Variants in GLCE observed in about 807,000 individuals in gnomAD.
GLCE encodes glucuronic acid epimerase.
In GLCE, 19 loss-of-function variants were observed where a neutral mutation model predicts 47.9. The observed-to-expected ratio is 0.40, with a 90% CI of 0.28 to 0.58. The LOEUF is 0.58. GLCE is among the 20% of genes least tolerant of loss of function. GLCE has a pLI of 0.48. For missense variants in GLCE, 556 were observed against 743.3 expected, an observed-to-expected ratio of 0.75 and a Z score of 2.93; for synonymous variants, 245 against 263.4, an observed-to-expected ratio of 0.93 and a Z score of 0.68.
intron 2 of GLCE, among the ~76,000 whole-genome samples, chr15:69,249,944 G>A (rs1421037974): frequency 6.6e-6 from 1 of 152,042 alleles, no homozygotes; most frequent in Admixed American, 6.5e-5. Context: ...TTTTTCCACA[G>A]TTTCTTTATG....
At chr15:69,211,998 G>T (rs531702600) in intron 2 of GLCE, among the ~76,000 whole-genome samples, 1 of 151,998 alleles carries the variant, frequency 6.6e-6, no homozygotes, top group East Asian at 1.9e-4. Flanking sequence ...GCATCTTTTT[G>T]TGCCATCACA....
intron 1 of GLCE, among the ~76,000 whole-genome samples, chr15:69,164,375 T>C (rs2051471270): frequency 6.6e-6 from 1 of 151,832 alleles, no homozygotes; most frequent in African/African-American, 2.4e-5. Context: ...ACTGTGCTAC[T>C]CATGGTGTGT....
chr15:69,260,747 T>G (rs1031160732), intron 3 of GLCE: 4 of 227,886 alleles, frequency 1.8e-5, no homozygotes, highest in African/African-American at 9.0e-5. Flanking sequence ...ATCTAAATTG[T>G]GCAGAATTTG....
chr15:69,197,237 C>T (rs2052007824), intron 1 of GLCE: 7 of 417,454 alleles, frequency 1.7e-5, no homozygotes, highest in South Asian at 9.0e-5. Context: ...CCGTATTCAC[C>T]TGACTTCTTG....
At chr15:69,228,834 A>T (rs1029904961) in intron 2 of GLCE, among the ~76,000 whole-genome samples, 6 of 152,102 alleles carry the variant, frequency 3.9e-5, no homozygotes, top group African/African-American at 1.4e-4. Context: ...CTACAGATGC[A>T]TGCCACCACA....
chr15:69,261,465 G>A (rs779354611), intron 4 of GLCE, 136 bp downstream of exon 4: 41 of 800,604 alleles, frequency 5.1e-5, no homozygotes, highest in Non-Finnish European at 7.7e-5. Context: ...AACAAATGGT[G>A]TCACCCCAAT....
chr15:69,238,598 A>G (rs894941783), intron 2 of GLCE, among the ~76,000 whole-genome samples: 1 of 152,178 alleles, frequency 6.6e-6, no homozygotes. Flanking sequence ...TAGCCTAAAT[A>G]TGTTTTATTA....
At chr15:69,266,557 C>T (rs1034132912) in intron 4 of GLCE, among the ~76,000 whole-genome samples, 4 of 152,184 alleles carry the variant, frequency 2.6e-5, no homozygotes, top group African/African-American at 9.7e-5. Flanking sequence ...CTCCTCGCTT[C>T]AAGCAGTCCT....
intron 2 of GLCE, among the ~76,000 whole-genome samples, chr15:69,238,836 C>T (rs2140415521): frequency 6.6e-6 from 1 of 152,224 alleles, no homozygotes; most frequent in South Asian, 2.1e-4. Flanking sequence ...CCTGAATAGG[C>T]ATTGATAGAG....
chr15:69,217,070 C>A (rs1485966761), intron 2 of GLCE, among the ~76,000 whole-genome samples: 1 of 151,998 alleles, frequency 6.6e-6, no homozygotes, highest in Non-Finnish European at 1.5e-5. Context: ...TTTCTAATGG[C>A]TAAACCCAGT....
chr15:69,240,101 C>T (rs2052645617), intron 2 of GLCE, among the ~76,000 whole-genome samples: 1 of 151,914 alleles, frequency 6.6e-6, no homozygotes, highest in Non-Finnish European at 1.5e-5. Context: ...ATGGATTAGG[C>T]TGAAAATAGG....
chr15:69,196,714 A>ACGGT (rs2051999428), intron 1 of GLCE: 2 of 160,896 alleles, frequency 1.2e-5, no homozygotes, highest in African/African-American at 4.8e-5. Flanking sequence ...CAACCATCCT[A>ACGGT]CGGTCATTCA....
chr15:69,252,992 T>A (rs1295893874), intron 2 of GLCE, among the ~76,000 whole-genome samples: 1 of 152,182 alleles, frequency 6.6e-6, no homozygotes, highest in African/African-American at 2.4e-5. Context: ...TCCCTTCTGA[T>A]GCCCCAGCAA....
chr15:69,228,372 G>A (rs2052477465), intron 2 of GLCE, among the ~76,000 whole-genome samples: 1 of 152,150 alleles, frequency 6.6e-6, no homozygotes, highest in South Asian at 2.1e-4. Flanking sequence ...AGTGTTTTAA[G>A]GTCTTAGAGT....
intron 1 of GLCE, among the ~76,000 whole-genome samples, chr15:69,189,487 A>G (rs922472456): frequency 2.0e-5 from 3 of 152,212 alleles, no homozygotes; most frequent in African/African-American, 7.2e-5. Context: ...GCAATTATGA[A>G]TAAAACTGCT....
chr15:69,266,696 A>G (rs2053091666), intron 4 of GLCE: 1 of 858,778 alleles, frequency 1.2e-6, no homozygotes, highest in Non-Finnish European at 1.4e-6. Context: ...ATCTGCTTCT[A>G]TGGCTGCATC....
chr15:69,185,459 C>G (rs1308800852), intron 1 of GLCE, among the ~76,000 whole-genome samples: 2 of 152,052 alleles, frequency 1.3e-5, no homozygotes, highest in Non-Finnish European at 2.9e-5. Flanking sequence ...AGAAAGTGGA[C>G]TGGGTTGTGA....
chr15:69,197,371 A>G (rs1292865530), intron 1 of GLCE: 3 of 216,920 alleles, frequency 1.4e-5, no homozygotes, highest in Non-Finnish European at 2.9e-5. Context: ...TTTTTACACT[A>G]CAGGAATAAA....
chr15:69,182,256 A>G (rs2051759055), intron 1 of GLCE, among the ~76,000 whole-genome samples: 1 of 151,250 alleles, frequency 6.6e-6, no homozygotes. Flanking sequence ...CCAATTTATC[A>G]GACATCGTGT....
Sources: gnomAD v4.1 joint callset for allele counts (sites outside exome capture counted in the v4.1 genomes callset) on GRCh38, gnomAD v4.1.1 for gene constraint, MANE v1.5 for transcripts, NCBI Gene and HGNC (gene_info 2026-07-23, HGNC 2026-07-21) for gene names.